Variants in DLGAP1 observed in about 807,000 individuals in gnomAD.
DLGAP1 encodes the protein DLG associated protein 1.
DLGAP1 carries 11 observed loss-of-function variants against 90.8 expected under a neutral mutation model. That is an observed-to-expected ratio of 0.12 (90% CI 0.08 to 0.20). DLGAP1 has a LOEUF of 0.20. DLGAP1 is among the 10% of genes least tolerant of loss of function. The pLI, the probability that DLGAP1 is intolerant of heterozygous loss-of-function variation, is 1.00. For missense variants in DLGAP1, 1,050 were observed against 1,333.8 expected, an observed-to-expected ratio of 0.79 and a Z score of 3.31; for synonymous variants, 558 against 540.7, an observed-to-expected ratio of 1.03 and a Z score of -0.44.
rs1314063064 is a variant in DLGAP1, at chr18:3,526,802, AAGCC to A, written c.2479+7388_2479+7391del. ...TACCAGACGTATCTATGTAACATAC[AAGCC>A]ACTGTCAAATAGCACTGAGCCATCT... On this transcript the variant is annotated intron_variant, in intron 10 of 12. Coordinates refer to ENST00000315677, the MANE Select transcript of DLGAP1 (RefSeq NM_004746.4). The surrounding 1 kb of genome is among the most constrained non-coding windows in gnomAD (Gnocchi z 4.7). 6.6e-6 allele frequency among the ~76,000 whole-genome samples: 1 copy of A among 152,204 alleles called. No homozygotes were observed. The highest frequency in any genetic ancestry group is 1.5e-5 in the Non-Finnish European group (1 of 68,036).
intron 1 of DLGAP1, among the ~76,000 whole-genome samples, chr18:4,393,587 A>C (rs1033018043): frequency 6.6e-6 from 1 of 152,284 alleles, no homozygotes; most frequent in East Asian, 1.9e-4. Context: ...ATGTAGCTAC[A>C]CCATAATTTG....
At chr18:4,443,979 C>T (rs1228011895) in intron 1 of DLGAP1, among the ~76,000 whole-genome samples, 1 of 152,184 alleles carries the variant, frequency 6.6e-6, no homozygotes, top group African/African-American at 2.4e-5. Flanking sequence ...GTAAAGTGTT[C>T]CAGTTATGTT....
At chr18:3,838,864 T>C (rs183612392) in intron 4 of DLGAP1, among the ~76,000 whole-genome samples, 111 of 152,300 alleles carry the variant, frequency 7.3e-4, no homozygotes, top group Non-Finnish European at 1.3e-3. Flanking sequence ...TACTTGAAAA[T>C]AAATTAGCAT....
chr18:3,812,267 T>C (rs2066882035), intron 5 of DLGAP1, among the ~76,000 whole-genome samples: 1 of 152,174 alleles, frequency 6.6e-6, no homozygotes, highest in South Asian at 2.1e-4. Flanking sequence ...GTCACCTTGG[T>C]CCACTGCCTT....
intron 3 of DLGAP1, among the ~76,000 whole-genome samples, chr18:3,926,527 TATAC>T (rs1270160090): frequency 1.3e-5 from 2 of 152,054 alleles, no homozygotes; most frequent in Middle Eastern, 6.8e-3. Context: ...TATGCACATA[TATAC>T]ATACATGCAG....
At chr18:3,930,228 T>A (rs1046942775) in intron 3 of DLGAP1, among the ~76,000 whole-genome samples, 2 of 152,242 alleles carry the variant, frequency 1.3e-5, no homozygotes, top group Non-Finnish European at 2.9e-5. Flanking sequence ...TCTTTTCCTA[T>A]TTTTCTATTG....
At chr18:4,023,210 T>C (rs1185397688) in intron 2 of DLGAP1, among the ~76,000 whole-genome samples, 1 of 152,262 alleles carries the variant, frequency 6.6e-6, no homozygotes, top group Admixed American at 6.5e-5. Context: ...TTTAGGTTTC[T>C]CTTGCTGTGA....
chr18:4,267,536 T>G (rs1185215947), intron 1 of DLGAP1, among the ~76,000 whole-genome samples: 1 of 151,912 alleles, frequency 6.6e-6, no homozygotes, highest in Non-Finnish European at 1.5e-5. Flanking sequence ...AATCTCATCT[T>G]GCACCCAAAG....
At chr18:3,800,352 TTTTGTCTTCCATTCC>T (rs1490467941) in intron 5 of DLGAP1, among the ~76,000 whole-genome samples, 2 of 152,224 alleles carry the variant, frequency 1.3e-5, no homozygotes, top group Admixed American at 1.3e-4. Context: ...AACTAGGCCT[TTTTGTCTTCCATTCC>T]TTTGCATAAA....
At chr18:4,041,428 T>G (rs76461286) in intron 2 of DLGAP1, among the ~76,000 whole-genome samples, 1,607 of 152,362 alleles carry the variant, frequency 0.011, 33 homozygotes, top group East Asian at 0.063. Flanking sequence ...CATCAATATG[T>G]GACATGCTTA....
rs1427674186 is a variant in DLGAP1 at position 3,672,596 on chromosome 18, AAAAAAAAAAAAAAGTTAATGAG to A, written c.1591+56517_1591+56538del. ...CTATCTCAAAAAAAAAAAAAAAAAA[AAAAAAAAAAAAAAGTTAATGAG>A]AAACAGGTAGATAAACCCAGGAGTG... On this transcript the variant is annotated intron_variant, in intron 7 of 12. Coordinates refer to ENST00000315677, the MANE Select transcript of DLGAP1 (RefSeq NM_004746.4). Among the ~76,000 whole-genome samples, 134 of 122,504 alleles carry A rather than the reference AAAAAAAAAAAAAAGTTAATGAG, an allele frequency of 1.1e-3. 2 individuals carry two copies. The highest frequency in any genetic ancestry group is 1.7e-3 in the African/African-American group (37 of 22,204). The allele number at this position is 122,504 out of a possible 152,430, so 80.4% of individuals were successfully genotyped here.
chr18:3,792,514 T>C (rs2065785435), intron 5 of DLGAP1, among the ~76,000 whole-genome samples: 1 of 152,022 alleles, frequency 6.6e-6, no homozygotes, highest in Non-Finnish European at 1.5e-5. Context: ...CTTGGCGTCA[T>C]ACTGATCTCT....
chr18:3,752,402 A>G (rs1405608031), intron 5 of DLGAP1, among the ~76,000 whole-genome samples: 1 of 151,822 alleles, frequency 6.6e-6, no homozygotes, highest in Non-Finnish European at 1.5e-5. Context: ...CCTTGTCTCT[A>G]TGCCTTTGCC....
chr18:4,254,486 T>C (rs192196824), intron 1 of DLGAP1, among the ~76,000 whole-genome samples: 5 of 152,304 alleles, frequency 3.3e-5, no homozygotes, highest in South Asian at 2.1e-4. Context: ...AGGTCGAATA[T>C]CTAGGTCTTA....
intron 3 of DLGAP1, among the ~76,000 whole-genome samples, chr18:3,950,593 T>C (rs377409402): frequency 1.3e-5 from 2 of 152,328 alleles, no homozygotes; most frequent in Non-Finnish European, 1.5e-5. Flanking sequence ...ACCAGTCAAA[T>C]GAGTGAATGA....
At chr18:4,214,205 A>G (rs913331874) in intron 1 of DLGAP1, among the ~76,000 whole-genome samples, 1 of 152,182 alleles carries the variant, frequency 6.6e-6, no homozygotes, top group South Asian at 2.1e-4. Flanking sequence ...AAAGACAAAA[A>G]GAAAGTGAGG....
chr18:3,981,162 C>T (rs189751418), intron 3 of DLGAP1, among the ~76,000 whole-genome samples: 133 of 152,258 alleles, frequency 8.7e-4, no homozygotes, highest in African/African-American at 3.2e-3. Context: ...GGCAGAATGC[C>T]GGATATTTGC....
chr18:3,887,100 GGCCTGCGCTGGCCCCATAGGAA>G (rs2071336917), intron 3 of DLGAP1, among the ~76,000 whole-genome samples: 1 of 152,224 alleles, frequency 6.6e-6, no homozygotes, highest in Non-Finnish European at 1.5e-5. Flanking sequence ...GTAAAGGAAG[GGCCTGCGCTGGCCCCATAGGAA>G]GCCAGAGTCC....
At chr18:4,207,059 G>A (rs1568450810) in intron 1 of DLGAP1, among the ~76,000 whole-genome samples, 1 of 152,154 alleles carries the variant, frequency 6.6e-6, no homozygotes, top group African/African-American at 2.4e-5. Flanking sequence ...TAAGCACTGA[G>A]GTGGAGGAAA....
Sources: gnomAD v4.1 joint callset for allele counts (sites outside exome capture counted in the v4.1 genomes callset) on GRCh38, gnomAD v4.1.1 for gene constraint, Gnocchi (gnomAD v3.1) non-coding constraint, MANE v1.5 for transcripts, NCBI Gene and HGNC (gene_info 2026-07-23, HGNC 2026-07-21) for gene names.